The following SARS1 variants were observed in gnomAD, a reference collection of about 807,000 sequenced individuals.
The protein encoded by SARS1 is seryl-tRNA synthetase 1.
In SARS1, 25 loss-of-function variants were observed where a neutral mutation model predicts 63.7. The ratio of observed to expected loss-of-function variants is 0.39; its 90% CI spans 0.29 to 0.55. The LOEUF is 0.55. SARS1 is among the 20% of genes least tolerant of loss of function. The probability of loss-of-function intolerance (pLI) is 0.62; values close to 1 mark genes in which losing one functional copy is unlikely to be tolerated. For missense variants in SARS1, 417 were observed against 649.7 expected (o/e 0.64, Z 3.89); for synonymous variants, 231 against 243.5 (o/e 0.95, Z 0.48).
intron 6 of SARS1, 71 bp downstream of exon 6, chr1:109,231,857 G>A (rs1296532366): frequency 7.7e-7 from 1 of 1,297,324 alleles, no homozygotes; most frequent in Admixed American, 3.2e-5. Flanking sequence ...ATGCAGAGTG[G>A]TGCTGTCCAA....
intron 1 of SARS1, among the ~76,000 whole-genome samples, chr1:109,221,879 G>A (rs1309678555): frequency 6.7e-6 from 1 of 149,148 alleles, no homozygotes; most frequent in East Asian, 2.0e-4. Context: ...GAGTGCAGTG[G>A]AATGATCTTG....
rs139103579 is a variant in SARS1 at position 109,215,462 on chromosome 1, G to A, written c.136+1334G>A. ...GTAGATAGGTGGTGAGTTCTTCAGGGACAAGGATTCAATTTTATTCATACA... is the reference window on the plus strand; with the variant it reads ...GTAGATAGGTGGTGAGTTCTTCAGGAACAAGGATTCAATTTTATTCATACA... On this transcript the variant is annotated intron_variant, in intron 1 of 10. Coordinates refer to ENST00000234677, the MANE Select transcript of SARS1 (RefSeq NM_006513.4). 6.0e-4 allele frequency: 594 copies of A among 985,276 alleles called. 6 individuals are homozygous for A. The African/African-American group carries it at 9.6e-3, about 16-fold the overall frequency. The allele number at this position is 985,276 out of a possible 1,614,324, so 61.0% of individuals were successfully genotyped here.
At chr1:109,221,960 T>TTTTGTG (rs771565091) in intron 1 of SARS1, among the ~76,000 whole-genome samples, 7 of 10,060 alleles carry the variant, frequency 7.0e-4, no homozygotes, top group African/African-American at 8.8e-4. Context: ...GCTAATTTTT[T>TTTTGTG]TGTGTGTGTG....
chr1:109,231,229 CA>C, intron 5 of SARS1: 1 of 290,472 alleles, frequency 3.4e-6, no homozygotes. Context: ...TTCCGTAGAA[CA>C]AAAGCCACTA....
chr1:109,222,969 C>G lies in SARS1; in HGVS notation c.137-1009C>G, dbSNP rs141445743. ...GGCAGAGGTTGCAGTAAGCTGAGGT[C>G]GTGCCACTGCACTCCAGCCTAGGTG... On this transcript the variant is annotated intron_variant, in intron 1 of 10. Transcript: ENST00000234677. Among the ~76,000 whole-genome samples, 1,016 of 152,280 alleles carry G rather than the reference C, an allele frequency of 6.7e-3. 12 individuals carry two copies. Among genetic ancestry groups the G allele is most frequent in the African/African-American group, 0.022 (928 of 41,532 alleles).
intron 3 of SARS1, 78 bp downstream of exon 3, chr1:109,228,510 C>A: frequency 1.1e-6 from 1 of 936,402 alleles, no homozygotes; most frequent in Non-Finnish European, 1.7e-6. Context: ...AGTGCTCTCA[C>A]TCTGCTCCAC....
intron 2 of SARS1, among the ~76,000 whole-genome samples, chr1:109,226,928 C>CT (rs1405879377): frequency 6.7e-6 from 1 of 149,140 alleles, no homozygotes; most frequent in Non-Finnish European, 1.5e-5. Flanking sequence ...GCTAAATATT[C>CT]TTATGCAAGT....
chr1:109,219,041 C>T (rs531967173), intron 1 of SARS1, among the ~76,000 whole-genome samples: 24 of 151,108 alleles, frequency 1.6e-4, no homozygotes, highest in Non-Finnish European at 2.4e-4. Context: ...CCGAGGCGGG[C>T]GGATCATGAG....
intron 4 of SARS1, among the ~76,000 whole-genome samples, chr1:109,230,112 G>A (rs1053500843): frequency 3.3e-5 from 5 of 151,934 alleles, no homozygotes; most frequent in African/African-American, 9.7e-5. Context: ...ACCACGAGAC[G>A]ACTCTGGAGG....
Position 109,237,805 on chromosome 1 carries a change from C to T in SARS1, c.1462C>T (p.His488Tyr), listed in dbSNP as rs756009206. 5 of 1,614,086 alleles carry T rather than the reference C, an allele frequency of 3.1e-6. No homozygotes were observed. In the African/African-American group the frequency reaches 5.3e-5, roughly 17 times the overall value. Reference sequence around the variant, plus strand: ...GCCATCAAAGAAGCAGAAGAAGCAACATGAGGGCAGCAAAAAGAAAGCAGC... The same window carrying T: ...GCCATCAAAGAAGCAGAAGAAGCAATATGAGGGCAGCAAAAAGAAAGCAGC... ...QEPSKKQKKQ[H>Y]EGSKKKAAAR... The change falls in exon 11 of 11, where the codon CAT becomes TAT. Residue 488 changes from histidine (H) to tyrosine (Y), a missense_variant. His to Tyr is a moderately conservative substitution (Grantham distance 83). Around this residue, in one of 3 missense-constraint regions of SARS1, gnomAD observed 43 missense variants for 68.1 expected, o/e 0.63. Transcript: ENST00000234677. This position sits in a 1 kb window ranked among gnomAD's most constrained non-coding sequence, Gnocchi z 4.1.
At chr1:109,236,627 C>T in intron 9 of SARS1, 79 bp downstream of exon 9, 1 of 1,537,854 alleles carries the variant, frequency 6.5e-7, no homozygotes, top group Non-Finnish European at 8.8e-7. Flanking sequence ...CTTTGGGGTG[C>T]ACTGGTCCCC....
At chr1:109,222,279 C>T (rs936157501) in intron 1 of SARS1, among the ~76,000 whole-genome samples, 1 of 151,776 alleles carries the variant, frequency 6.6e-6, no homozygotes, top group African/African-American at 2.4e-5. Flanking sequence ...CCCGTTTTCC[C>T]CAATGATAAC....
rs762158952 is a variant in SARS1, at chr1:109,237,287, C to G, written c.1301C>G (p.Thr434Ser). 1 of 1,614,152 alleles carries G rather than the reference C, an allele frequency of 6.2e-7. No homozygotes were observed. Among genetic ancestry groups the G allele is most frequent in the Non-Finnish European group, 8.5e-7 (1 of 1,180,028 alleles). ...HMLNATMCAT[T>S]RTICAILENY... ...CTCAATGCTACCATGTGCGCCACTA[C>G]CCGTACCATCTGCGCCATCCTGGAG... Residue 434 changes from threonine (T) to serine (S), a missense_variant, in exon 10 of 11, where the codon ACC (threonine) becomes AGC (serine). By Grantham distance (58) the Thr-to-Ser change is moderately conservative (BLOSUM62 1). Coordinates refer to ENST00000234677, the MANE Select transcript of SARS1 (RefSeq NM_006513.4). This position sits in a 1 kb window ranked among gnomAD's most constrained non-coding sequence, Gnocchi z 4.1.
Position 109,226,986 on chromosome 1 carries a change from T to C in SARS1, c.208-1366T>C, listed in dbSNP as rs188595287. On this transcript the variant is annotated intron_variant, in intron 2 of 10. Coordinates refer to ENST00000234677, the MANE Select transcript of SARS1 (RefSeq NM_006513.4). ...TATTATAATGACCTTTGACTAACTT[T>C]CTTTAACTCTTTTTTTTTTTTTTTT... is the stretch of plus-strand genomic sequence containing the variant. Among the ~76,000 whole-genome samples the C allele has an allele frequency of 1.6e-3, 239 of 150,538 alleles. 1 individual carries two copies. Among genetic ancestry groups the C allele is most frequent in the African/African-American group, 5.6e-3 (229 of 40,726 alleles).
rs1386334705 is a variant in SARS1 at position 109,237,589 on chromosome 1, GA to G, written c.1388-138del. The G allele has an allele frequency of 6.1e-6, 7 of 1,142,278 alleles. No homozygotes were observed. Among genetic ancestry groups the G allele is most frequent in the African/African-American group, 1.6e-5 (1 of 63,568 alleles). The allele number at this position is 1,142,278 out of a possible 1,614,324, so 70.8% of individuals were successfully genotyped here. On this transcript the variant is annotated intron_variant, in intron 10 of 10. Transcript: ENST00000234677. This position sits in a 1 kb window ranked among gnomAD's most constrained non-coding sequence, Gnocchi z 4.1. ...TGCTGCTAAAATTCAGACTAGGGAAGAAAAGAATAAAGGAAACCAGTGCCTA... is the reference window on the plus strand; with the variant it reads ...TGCTGCTAAAATTCAGACTAGGGAAGAAAGAATAAAGGAAACCAGTGCCTA...
chr1:109,224,091 A>C (rs1655015424), intron 2 of SARS1, 43 bp downstream of exon 2: 8 of 1,409,578 alleles, frequency 5.7e-6, no homozygotes, highest in Non-Finnish European at 8.0e-6. Flanking sequence ...ACTTGAGCGG[A>C]GATATTTGAT....
intron 6 of SARS1, 101 bp downstream of exon 6, chr1:109,231,887 G>A (rs1557718858): frequency 2.0e-6 from 2 of 1,012,912 alleles, no homozygotes; most frequent in Admixed American, 7.9e-5. Context: ...CTGCGATGAT[G>A]GAAACGTTCT....
intron 2 of SARS1, among the ~76,000 whole-genome samples, chr1:109,225,958 T>C (rs879273010): frequency 7.9e-5 from 12 of 152,158 alleles, no homozygotes; most frequent in Admixed American, 5.9e-4. Context: ...TCTGTTCTTA[T>C]CAAGACTCAT....
At chr1:109,230,194 C>T (rs931163247) in intron 4 of SARS1, among the ~76,000 whole-genome samples, 5 of 152,074 alleles carry the variant, frequency 3.3e-5, no homozygotes, top group African/African-American at 9.7e-5. Context: ...TCTACATTCT[C>T]CTCTGCACCC....
Sources: gnomAD v4.1 joint callset for allele counts (sites outside exome capture counted in the v4.1 genomes callset) on GRCh38, gnomAD v4.1.1 for gene constraint, gnomAD v4.1.1 regional missense constraint, Gnocchi (gnomAD v3.1) non-coding constraint, MANE v1.5 for transcripts, NCBI Gene and HGNC (gene_info 2026-07-23, HGNC 2026-07-21) for gene names.